Variants in IL1RAPL1 observed in about 807,000 individuals in gnomAD.
IL1RAPL1 encodes the protein interleukin 1 receptor accessory protein like 1, also known as interleukin-1 receptor accessory protein-like 1.
A neutral mutation model predicts 48.4 loss-of-function variants in IL1RAPL1; 3 were observed. That is an observed-to-expected ratio of 0.06 (90% CI 0.03 to 0.16). The LOEUF (loss-of-function observed/expected upper bound fraction) is 0.16, where lower values mean the gene tolerates loss of function less well. Among genes scored for constraint, IL1RAPL1 ranks in the 10% least tolerant of loss-of-function variants. The pLI is 1.00. For synonymous variants in IL1RAPL1, 185 were observed against 187.7 expected (o/e 0.99, Z 0.12); for missense variants, 349 against 530.6 (o/e 0.66, Z 3.36).
At chrX:28,677,746 C>T (rs2146917857) in intron 1 of IL1RAPL1, among the ~76,000 whole-genome samples, 2 of 111,012 alleles carry the variant, frequency 1.8e-5, no homozygotes, top group South Asian at 7.7e-4. Flanking sequence ...TACCACGAAG[C>T]CCAACTAATT....
rs113186285 is a variant in IL1RAPL1, at chrX:29,633,868, A to T, written c.704-34562A>T. Among the ~76,000 whole-genome samples the T allele has an allele frequency of 2.3e-3, 252 of 110,698 alleles. 1 individual carries two copies. Among genetic ancestry groups the T allele is most frequent in the African/African-American group, 7.9e-3 (240 of 30,471 alleles). On this transcript the variant is annotated intron_variant, in intron 5 of 10. Coordinates refer to ENST00000378993, the MANE Select transcript of IL1RAPL1 (RefSeq NM_014271.4). ...TGGCCACTGGTTTTACCCAGCACCC[A>T]TCTGGGTAATTGAGATTTTTAACTT...
chrX:29,350,190 T>TA (rs1933204570), intron 3 of IL1RAPL1, among the ~76,000 whole-genome samples: 2 of 45,959 alleles, frequency 4.4e-5, no homozygotes, highest in African/African-American at 2.1e-4. Context: ...ATACTGTTAT[T>TA]TTATATATAT....
At chrX:28,942,436 A>G (rs1442954671) in intron 2 of IL1RAPL1, 1 of 109,215 alleles carries the variant, frequency 9.2e-6, no homozygotes, top group African/African-American at 3.3e-5. Context: ...AATCATTTTT[A>G]CAGTTTTAAA....
chrX:29,230,517 A>AC (rs1555978805), intron 2 of IL1RAPL1, among the ~76,000 whole-genome samples: 8,365 of 90,420 alleles, frequency 0.093, 881 homozygotes, highest in East Asian at 0.31. Flanking sequence ...AAAAAAAAAA[A>AC]AAAAAAAAAA....
intron 1 of IL1RAPL1, among the ~76,000 whole-genome samples, chrX:28,767,715 A>ATGTGTG (rs35909020): frequency 1.2e-4 from 12 of 101,847 alleles, no homozygotes; most frequent in South Asian, 4.5e-4. Flanking sequence ...AGCCTGGGGG[A>ATGTGTG]TGTGTGTGTG....
intron 2 of IL1RAPL1, among the ~76,000 whole-genome samples, chrX:29,049,420 A>AT (rs1237843723): frequency 8.9e-6 from 1 of 112,490 alleles, no homozygotes; most frequent in African/African-American, 3.2e-5. Flanking sequence ...GGCAAAGAGA[A>AT]TATGACTACA....
At chrX:28,999,460 GTA>G (rs1310804887) in intron 2 of IL1RAPL1, among the ~76,000 whole-genome samples, 1 of 111,485 alleles carries the variant, frequency 9.0e-6, no homozygotes, top group African/African-American at 3.3e-5. Context: ...TCCAGGCACT[GTA>G]TGCTTTTTGA....
intron 2 of IL1RAPL1, among the ~76,000 whole-genome samples, chrX:29,187,397 C>T (rs778323458): frequency 9.0e-6 from 1 of 111,349 alleles, no homozygotes; most frequent in Admixed American, 9.6e-5. Flanking sequence ...GGGACAGAGG[C>T]AAATGGCCTT....
At chrX:28,989,602 A>G (rs1412120011) in intron 2 of IL1RAPL1, among the ~76,000 whole-genome samples, 3 of 112,407 alleles carry the variant, frequency 2.7e-5, no homozygotes, top group African/African-American at 9.7e-5. Flanking sequence ...CCTACTGTAG[A>G]GTATTGACTG....
intron 2 of IL1RAPL1, among the ~76,000 whole-genome samples, chrX:28,855,404 AG>A (rs1227414413): frequency 9.0e-6 from 1 of 111,665 alleles, no homozygotes; most frequent in Admixed American, 9.5e-5. Context: ...AAGAAAAAAA[AG>A]ATCATATAAT....
At position 29,711,333 on chromosome X, in the gene IL1RAPL1, G is replaced by C. The variant is rs183671903; in HGVS notation, c.778+42829G>C. ...TGAGTAGCTGGGATTACCGCCATGC[G>C]CCACCAGTCCCGGCTAATTTTGTAT... is the stretch of plus-strand genomic sequence containing the variant. On this transcript the variant is annotated intron_variant, in intron 6 of 10. Transcript: ENST00000378993. Among the ~76,000 whole-genome samples, 561 of 106,099 alleles carry C rather than the reference G, an allele frequency of 5.3e-3. 5 individuals are homozygous for C. The highest frequency in any genetic ancestry group is 0.018 in the African/African-American group (524 of 29,117). The allele number at this position is 106,099 out of a possible 115,157, so 92.1% of individuals were successfully genotyped here. A position where few individuals can be genotyped will look rare whatever the true frequency, so the allele number is the denominator to read the frequency against.
At chrX:29,926,314 G>A (rs1932890659) in intron 8 of IL1RAPL1, among the ~76,000 whole-genome samples, 1 of 112,011 alleles carries the variant, frequency 8.9e-6, no homozygotes, top group African/African-American at 3.2e-5. Context: ...ATTAATAAAT[G>A]ACAAGAGGGT....
chrX:28,995,878 A>G (rs1478634803), intron 2 of IL1RAPL1, among the ~76,000 whole-genome samples: 1 of 110,024 alleles, frequency 9.1e-6, no homozygotes, highest in Admixed American at 9.8e-5. Context: ...CTTCCACACA[A>G]TATTTACCAA....
chrX:29,170,763 G>T (rs1929892188), intron 2 of IL1RAPL1, among the ~76,000 whole-genome samples: 2 of 111,266 alleles, frequency 1.8e-5, no homozygotes, highest in South Asian at 7.5e-4. Context: ...AATAACTTTT[G>T]GTGTTAGAAA....
chrX:28,937,588 T>G (rs1924050572), intron 2 of IL1RAPL1, among the ~76,000 whole-genome samples: 1 of 111,354 alleles, frequency 9.0e-6, no homozygotes, highest in Non-Finnish European at 1.9e-5. Context: ...GAATATGAGA[T>G]TTTTAAAATC....
rs199570674 is a variant in IL1RAPL1 at position 29,502,099 on chromosome X, A to T, written c.703+102791A>T. 3.6e-4 allele frequency among the ~76,000 whole-genome samples: 40 copies of T among 110,709 alleles called. No homozygotes were observed. In the East Asian group the frequency reaches 0.011, roughly 30 times the overall value. ...ATTCTTTGTAGCTATTATAAATGAG[A>T]TTTCTTTCTTGATTTCTTTTTGAGA... On this transcript the variant is annotated intron_variant, in intron 5 of 10. Transcript: ENST00000378993.
intron 1 of IL1RAPL1, among the ~76,000 whole-genome samples, chrX:28,668,957 A>T (rs1177605423): frequency 8.9e-6 from 1 of 111,823 alleles, no homozygotes. Flanking sequence ...AATAATATTC[A>T]TTCTTTCTCA....
chrX:28,798,186 A>G (rs958470444), intron 2 of IL1RAPL1, among the ~76,000 whole-genome samples: 5 of 111,220 alleles, frequency 4.5e-5, no homozygotes, highest in African/African-American at 1.6e-4. Context: ...AACCATATCA[A>G]TGTTTATTGT....
At chrX:29,342,001 G>A (rs1454217469) in intron 3 of IL1RAPL1, among the ~76,000 whole-genome samples, 1 of 109,815 alleles carries the variant, frequency 9.1e-6, no homozygotes, top group Admixed American at 9.8e-5. Context: ...TAGAGACGGG[G>A]TTTCACCATG....
Sources: allele counts gnomAD v4.1 joint callset (sites outside exome capture counted in the v4.1 genomes callset), GRCh38; gene constraint gnomAD v4.1.1; transcripts MANE v1.5; gene names NCBI Gene and HGNC (gene_info 2026-07-23, HGNC 2026-07-21).